The following ZNRF2 variants were observed in gnomAD, a reference collection of about 807,000 sequenced individuals.
ZNRF2 encodes E3 ubiquitin-protein ligase ZNRF2.
ZNRF2 carries 16 observed loss-of-function variants against 20.4 expected under a neutral mutation model. The observed-to-expected ratio is 0.79, with a 90% CI of 0.53 to 1.19. The LOEUF (loss-of-function observed/expected upper bound fraction) is 1.19, where lower values mean the gene tolerates loss of function less well. Among genes scored for constraint, ZNRF2 ranks in the 50% most tolerant of loss-of-function variants. The pLI is 0.00. For missense variants in ZNRF2, 363 were observed against 332.4 expected (o/e 1.09, Z -0.72); for synonymous variants, 178 against 144.9 (o/e 1.23, Z -1.64).
intron 1 of ZNRF2, among the ~76,000 whole-genome samples, chr7:30,305,209 TC>T (rs1358760760): frequency 2.6e-5 from 4 of 152,170 alleles, no homozygotes; most frequent in Non-Finnish European, 5.9e-5. Flanking sequence ...AGGATTTTTT[TC>T]CCCTGGAGAA....
At chr7:30,306,759 T>C (rs1158022590) in intron 1 of ZNRF2, among the ~76,000 whole-genome samples, 1 of 152,104 alleles carries the variant, frequency 6.6e-6, no homozygotes, top group African/African-American at 2.4e-5. Context: ...AATTACAGAC[T>C]TTCTTTGCCT....
At chr7:30,312,014 T>C (rs549148248) in intron 1 of ZNRF2, among the ~76,000 whole-genome samples, 35 of 152,330 alleles carry the variant, frequency 2.3e-4, no homozygotes, top group South Asian at 1.7e-3. Flanking sequence ...AAGGCCCCAG[T>C]TGCTAAAAGG....
intron 1 of ZNRF2, among the ~76,000 whole-genome samples, chr7:30,293,348 A>G (rs1486792027): frequency 6.6e-6 from 1 of 150,836 alleles, no homozygotes; most frequent in Non-Finnish European, 1.5e-5. Flanking sequence ...TCCCAGGTTC[A>G]AGTGATTCTT....
Position 30,307,362 on chromosome 7 carries a change from G to A in ZNRF2, c.470-16280G>A, listed in dbSNP as rs531162399. On this transcript the variant is annotated intron_variant, in intron 1 of 4. Coordinates refer to ENST00000323037, the MANE Select transcript of ZNRF2 (RefSeq NM_147128.4). ...TTTTTTTTTTTTTTGGCTGGGGGTG[G>A]AGGGGTATTGGAGTGGGAAGGAGAA... is the stretch of plus-strand genomic sequence containing the variant. Among the ~76,000 whole-genome samples the A allele has an allele frequency of 1.3e-3, 181 of 141,452 alleles. 2 individuals carry two copies. The highest frequency in any genetic ancestry group is 4.5e-3 in the African/African-American group (172 of 38,086). The allele number at this position is 141,452 out of a possible 152,430, so 92.8% of individuals were successfully genotyped here.
rs78007797 is a variant in ZNRF2 at position 30,307,326 on chromosome 7, GTTTTTTTTTTTTTTT to G, written c.470-16306_470-16292del. Among the ~76,000 whole-genome samples the G allele has an allele frequency of 1.6e-3, 68 of 43,244 alleles. 4 individuals carry two copies. The South Asian group carries it at 0.071, about 45-fold the overall frequency. 28.4% of individuals were successfully genotyped at this position (43,244 alleles called of 152,430 possible). A position where few individuals can be genotyped will look rare whatever the true frequency, so the allele number is the denominator to read the frequency against. ...TGTCTTCTTTCTGCTGTTTTTTTTT[GTTTTTTTTTTTTTTT>G]TTTTTTTTTGGCTGGGGGTGGAGGG... On this transcript the variant is annotated intron_variant, in intron 1 of 4. Coordinates refer to ENST00000323037, the MANE Select transcript of ZNRF2 (RefSeq NM_147128.4).
chr7:30,330,559 T>C (rs1302725102), intron 2 of ZNRF2, among the ~76,000 whole-genome samples: 2 of 152,144 alleles, frequency 1.3e-5, no homozygotes, highest in Non-Finnish European at 2.9e-5. Context: ...TGGGTTCCTG[T>C]CTAACATGTT....
Position 30,285,843 on chromosome 7 carries a change from G to A in ZNRF2, c.469+17G>A, listed in dbSNP as rs765468127. 4.2e-5 allele frequency: 62 copies of A among 1,477,254 alleles called. No homozygotes were observed. The highest frequency in any genetic ancestry group is 4.8e-5 in the Non-Finnish European group (54 of 1,121,842). The allele number at this position is 1,477,254 out of a possible 1,614,324, so 91.5% of individuals were successfully genotyped here. On this transcript the variant is annotated intron_variant, in intron 1 of 4. Coordinates refer to ENST00000323037, the MANE Select transcript of ZNRF2 (RefSeq NM_147128.4). ...TGTTTGGAGGTACGGACCCCTCTCC[G>A]CGCACCCGCGCTCGGTCCTCCCGCG...
chr7:30,315,802 A>G (rs1161494653), intron 1 of ZNRF2, among the ~76,000 whole-genome samples: 1 of 150,590 alleles, frequency 6.6e-6, no homozygotes, highest in African/African-American at 2.4e-5. Context: ...TTAATGAGTC[A>G]TTACAGCATA....
At chr7:30,334,001 A>G (rs57161801) in intron 2 of ZNRF2, among the ~76,000 whole-genome samples, 2,740 of 152,172 alleles carry the variant, frequency 0.018, 86 homozygotes, top group African/African-American at 0.062. Context: ...AGTTTAATTA[A>G]GTCCCAAATG....
At chr7:30,324,196 C>G (rs567911667) in intron 2 of ZNRF2, among the ~76,000 whole-genome samples, 15 of 151,812 alleles carry the variant, frequency 9.9e-5, no homozygotes, top group African/African-American at 3.1e-4. Context: ...CGTCTTGTGT[C>G]CTCTGGAAAA....
At chr7:30,336,679 T>C (rs1011130129) in intron 2 of ZNRF2, among the ~76,000 whole-genome samples, 1 of 152,116 alleles carries the variant, frequency 6.6e-6, no homozygotes, top group Non-Finnish European at 1.5e-5. Flanking sequence ...AGAGAAAATT[T>C]AGGGGAGCAG....
At chr7:30,300,025 G>C (rs1388541249) in intron 1 of ZNRF2, among the ~76,000 whole-genome samples, 2 of 151,432 alleles carry the variant, frequency 1.3e-5, no homozygotes, top group Non-Finnish European at 1.5e-5. Context: ...ACCTCGTGAT[G>C]TGCCCGCCTT....
rs60218988 is a variant in ZNRF2 at position 30,316,288 on chromosome 7, CAAAAAAAAAAAAAA to C, written c.470-7335_470-7322del. On this transcript the variant is annotated intron_variant, in intron 1 of 4. Coordinates refer to ENST00000323037, the MANE Select transcript of ZNRF2 (RefSeq NM_147128.4). Reference sequence around the variant, plus strand: ...GGGCAACAAGAGCGAAACTCCATCTCAAAAAAAAAAAAAAAAAAAAAAAAAAAAAAAAGAATTGT... The same window carrying C: ...GGGCAACAAGAGCGAAACTCCATCTCAAAAAAAAAAAAAAAAAAGAATTGT... Among the ~76,000 whole-genome samples the C allele has an allele frequency of 2.4e-3, 65 of 27,498 alleles. 1 individual carries two copies. The East Asian group carries it at 0.039, about 17-fold the overall frequency. 18.0% of individuals were successfully genotyped at this position (27,498 alleles called of 152,430 possible).
At chr7:30,309,061 A>G (rs2128059639) in intron 1 of ZNRF2, among the ~76,000 whole-genome samples, 1 of 152,312 alleles carries the variant, frequency 6.6e-6, no homozygotes, top group East Asian at 1.9e-4. Context: ...AAATTCATAT[A>G]TAGAATATGT....
chr7:30,363,584 A>G (rs1800162168), intron 4 of ZNRF2, among the ~76,000 whole-genome samples: 2 of 152,150 alleles, frequency 1.3e-5, no homozygotes, highest in Non-Finnish European at 1.5e-5. Context: ...TCACTTTTAT[A>G]TCTTTAGCAT....
intron 3 of ZNRF2, among the ~76,000 whole-genome samples, chr7:30,357,668 C>G (rs1320791656): frequency 6.6e-6 from 1 of 151,854 alleles, no homozygotes; most frequent in Non-Finnish European, 1.5e-5. Context: ...CAGGATTGTT[C>G]TGAAAAAATG....
chr7:30,338,611 T>C (rs1008165728), intron 2 of ZNRF2, among the ~76,000 whole-genome samples: 2 of 152,170 alleles, frequency 1.3e-5, no homozygotes, highest in Admixed American at 1.3e-4. Flanking sequence ...GAAGTCATCC[T>C]TTTTTATGGC....
chr7:30,292,274 A>G (rs1371466070), intron 1 of ZNRF2, among the ~76,000 whole-genome samples: 1 of 152,198 alleles, frequency 6.6e-6, no homozygotes, highest in Admixed American at 6.5e-5. Context: ...TTCTTGATCC[A>G]TGGGTTACAT....
intron 2 of ZNRF2, among the ~76,000 whole-genome samples, chr7:30,347,134 C>T (rs1381530315): frequency 6.6e-6 from 1 of 152,094 alleles, no homozygotes; most frequent in Non-Finnish European, 1.5e-5. Context: ...CTCATCCATT[C>T]CTGCATATAC....
Sources: allele counts gnomAD v4.1 joint callset (sites outside exome capture counted in the v4.1 genomes callset), GRCh38; gene constraint gnomAD v4.1.1; transcripts MANE v1.5; gene names NCBI Gene and HGNC (gene_info 2026-07-23, HGNC 2026-07-21).